Variants in CFAP61 observed in about 807,000 individuals in gnomAD.
CFAP61 encodes cilia and flagella associated protein 61, also known as cilia- and flagella-associated protein 61.
A neutral mutation model predicts 135.6 loss-of-function variants in CFAP61; 107 were observed. The observed-to-expected ratio is 0.79, with a 90% CI of 0.67 to 0.93. CFAP61 has a LOEUF of 0.93. Ranked by LOEUF, CFAP61 falls within the 40% of genes least tolerant of loss-of-function variation. CFAP61 has a pLI of 0.00. For synonymous variants in CFAP61, 575 were observed against 578.5 expected, an observed-to-expected ratio of 0.99 and a Z score of 0.09; for missense variants, 1,507 against 1,556.2, an observed-to-expected ratio of 0.97 and a Z score of 0.53.
intron 25 of CFAP61, among the ~76,000 whole-genome samples, chr20:20,333,075 C>G (rs557770698): frequency 2.6e-5 from 4 of 152,256 alleles, no homozygotes; most frequent in African/African-American, 9.6e-5. Context: ...TGCAGTTATG[C>G]CAAAGAAAGA....
chr20:20,163,092 A>G (rs925441399), intron 10 of CFAP61, among the ~76,000 whole-genome samples: 1 of 152,224 alleles, frequency 6.6e-6, no homozygotes, highest in African/African-American at 2.4e-5. Context: ...GAAAACGTTG[A>G]AAGTTCTGTT....
intron 25 of CFAP61, among the ~76,000 whole-genome samples, chr20:20,303,963 A>G (rs2056269277): frequency 6.6e-6 from 1 of 152,184 alleles, no homozygotes; most frequent in Admixed American, 6.5e-5. Flanking sequence ...CGCAGGCACT[A>G]GCTGTGCCAA....
At chr20:20,053,402 T>A (rs2043930555) in intron 1 of CFAP61, among the ~76,000 whole-genome samples, 1 of 152,188 alleles carries the variant, frequency 6.6e-6, no homozygotes, top group South Asian at 2.1e-4. Flanking sequence ...AGTACATTTG[T>A]TACAATCTTG....
At chr20:20,115,953 C>A (rs546466196) in intron 8 of CFAP61, among the ~76,000 whole-genome samples, 4 of 152,294 alleles carry the variant, frequency 2.6e-5, no homozygotes, top group Admixed American at 2.6e-4. Context: ...TGAATATATA[C>A]CTAGCACTGA....
chr20:20,249,540 A>G (rs1019357324), intron 19 of CFAP61, among the ~76,000 whole-genome samples: 5 of 152,166 alleles, frequency 3.3e-5, no homozygotes, highest in African/African-American at 9.7e-5. Context: ...TCTTGTCTCA[A>G]GTAAATAAAA....
In CFAP61 at chr20:20,053,875, A is replaced by G. The variant is rs13433195; in HGVS notation, c.-37+1284A>G. 3.3e-3 allele frequency among the ~76,000 whole-genome samples: 504 copies of G among 152,292 alleles called. 2 individuals are homozygous for G. Among genetic ancestry groups the G allele is most frequent in the African/African-American group, 0.011 (463 of 41,572 alleles). On this transcript the variant is annotated intron_variant, in intron 1 of 26. Coordinates refer to ENST00000245957, the MANE Select transcript of CFAP61 (RefSeq NM_015585.4). ...TGTAAACAATTGATTTACCAAATGAATCATTGGTTTAATCATCTGTTGCCT... is the reference window on the plus strand; with the variant it reads ...TGTAAACAATTGATTTACCAAATGAGTCATTGGTTTAATCATCTGTTGCCT...
intron 20 of CFAP61, among the ~76,000 whole-genome samples, chr20:20,260,674 C>A (rs2052098329): frequency 6.6e-6 from 1 of 152,118 alleles, no homozygotes; most frequent in Admixed American, 6.5e-5. Context: ...ATTCTTTTTT[C>A]TCCTCTTCCT....
intron 6 of CFAP61, among the ~76,000 whole-genome samples, chr20:20,079,071 C>T (rs9808594): frequency 0.21 from 31,832 of 152,110 alleles, 4,107 homozygotes; most frequent in East Asian, 0.65. Flanking sequence ...TGGATGCTTC[C>T]GTATCTATTA....
chr20:20,168,159 A>T (rs886985702), intron 12 of CFAP61, among the ~76,000 whole-genome samples: 1 of 151,984 alleles, frequency 6.6e-6, no homozygotes, highest in Admixed American at 6.5e-5. Flanking sequence ...GCTGCCTCAA[A>T]CTCCTTGGCC....
intron 19 of CFAP61, among the ~76,000 whole-genome samples, chr20:20,249,797 C>T (rs1287746225): frequency 7.9e-5 from 12 of 152,314 alleles, no homozygotes; most frequent in Non-Finnish European, 2.9e-5. Context: ...TTGGGCACAG[C>T]CTCATAAAAT....
At chr20:20,199,038 T>C (rs1423430000) in intron 16 of CFAP61, among the ~76,000 whole-genome samples, 1 of 152,232 alleles carries the variant, frequency 6.6e-6, no homozygotes, top group Non-Finnish European at 1.5e-5. Context: ...ATCACCATGT[T>C]TGGTTTTCTC....
At chr20:20,184,968 A>G (rs2055394695) in intron 13 of CFAP61, among the ~76,000 whole-genome samples, 1 of 152,174 alleles carries the variant, frequency 6.6e-6, no homozygotes, top group Non-Finnish European at 1.5e-5. Flanking sequence ...AGTCAGAGCA[A>G]GCAGCAATCC....
intron 6 of CFAP61, among the ~76,000 whole-genome samples, chr20:20,088,859 A>G (rs912309816): frequency 6.6e-6 from 1 of 152,164 alleles, no homozygotes; most frequent in Admixed American, 6.5e-5. Flanking sequence ...TACTGTTTTT[A>G]ATGAAAAACC....
intron 25 of CFAP61, among the ~76,000 whole-genome samples, chr20:20,315,256 G>T (rs2057063035): frequency 1.3e-5 from 2 of 151,814 alleles, no homozygotes. Flanking sequence ...GTATCTCATT[G>T]TGGTTTTGAT....
chr20:20,084,514 C>T (rs1055876996), intron 6 of CFAP61, among the ~76,000 whole-genome samples: 2 of 152,108 alleles, frequency 1.3e-5, no homozygotes, highest in African/African-American at 2.4e-5. Context: ...GGAAGTGATG[C>T]ACACCTCTCA....
chr20:20,083,162 TA>T (rs2046550584), intron 6 of CFAP61, among the ~76,000 whole-genome samples: 1 of 152,174 alleles, frequency 6.6e-6, no homozygotes, highest in South Asian at 2.1e-4. Flanking sequence ...TACTCAGCCA[TA>T]AAAATGAACA....
rs1265536431 is a variant in CFAP61, at chr20:20,360,558, G to A, written c.*148G>A. The A allele has an allele frequency of 3.0e-6, 2 of 661,630 alleles. No individual in the cohort carries two copies. The highest frequency in any genetic ancestry group is 5.1e-6 in the Non-Finnish European group (2 of 388,904). 41.0% of individuals were successfully genotyped at this position (661,630 alleles called of 1,614,324 possible). A position where few individuals can be genotyped will look rare whatever the true frequency, so the allele number is the denominator to read the frequency against. On this transcript the variant is annotated 3_prime_UTR_variant, in exon 27 of 27. Transcript: ENST00000245957. ...TCATTCCTTTCCTTCCCTGACTTAT[G>A]CCTGTAGTTTTCTATCATCCCAGTA...
rs1018131942 is a variant in CFAP61, at chr20:20,056,581, A to G, written c.-36-37A>G. 1.1e-5 allele frequency: 16 copies of G among 1,466,790 alleles called. No individual in the cohort carries two copies. The African/African-American group carries it at 2.2e-4, about 21-fold the overall frequency. The allele number at this position is 1,466,790 out of a possible 1,614,324, so 90.9% of individuals were successfully genotyped here. A position where few individuals can be genotyped will look rare whatever the true frequency, so the allele number is the denominator to read the frequency against. ...TGAATTAGTGTTCAGTTTTGTGTGT[A>G]TTATAACCAAACTGGCTTATCATAT... On this transcript the variant is annotated intron_variant, in intron 1 of 26. Coordinates refer to ENST00000245957, the MANE Select transcript of CFAP61 (RefSeq NM_015585.4).
rs114312938 is a variant in CFAP61, at chr20:20,228,129, A to G, written c.1933-120A>G. ...TTTATGGTGGCTGTACATGGGCACT[A>G]TTAGGTTTGTTTTGGTGGTAATGTC... On this transcript the variant is annotated intron_variant, in intron 17 of 26. Coordinates refer to ENST00000245957, the MANE Select transcript of CFAP61 (RefSeq NM_015585.4). 1,418 of 756,938 alleles carry G rather than the reference A, an allele frequency of 1.9e-3. 17 individuals are homozygous for G. The African/African-American group carries it at 0.022, about 12-fold the overall frequency. 46.9% of individuals were successfully genotyped at this position (756,938 alleles called of 1,614,324 possible).
Sources: allele counts gnomAD v4.1 joint callset (sites outside exome capture counted in the v4.1 genomes callset), GRCh38; gene constraint gnomAD v4.1.1; transcripts MANE v1.5; gene names NCBI Gene and HGNC (gene_info 2026-07-23, HGNC 2026-07-21).